EYA3: variants seen among roughly 807,000 people sequenced by gnomAD.
The protein encoded by EYA3 is protein phosphatase EYA3.
In EYA3, 39 loss-of-function variants were observed where a neutral mutation model predicts 80.0. The observed-to-expected ratio is 0.49, with a 90% CI of 0.38 to 0.64. The LOEUF is 0.64. Ranked by LOEUF, EYA3 falls within the 30% of genes least tolerant of loss-of-function variation. EYA3 has a pLI of 0.00. For synonymous variants in EYA3, 206 were observed against 232.8 expected (o/e 0.88, Z 1.05); for missense variants, 523 against 676.1 (o/e 0.77, Z 2.51).
At chr1:28,038,793 T>C in intron 5 of EYA3, 46 bp downstream of exon 5, 1 of 1,129,662 alleles carries the variant, frequency 8.9e-7, no homozygotes, top group Non-Finnish European at 1.3e-6. Flanking sequence ...TTGCAATGAA[T>C]CTACAGAAAA....
chr1:28,004,918 C>T (rs1641159960), intron 10 of EYA3, among the ~76,000 whole-genome samples: 1 of 151,834 alleles, frequency 6.6e-6, no homozygotes, highest in South Asian at 2.1e-4. Context: ...TTGAAAATAT[C>T]TATAAAATTC....
At chr1:28,038,681 AGACT>A (rs1217352645) in intron 5 of EYA3, among the ~76,000 whole-genome samples, 154 bp downstream of exon 5, 1 of 152,142 alleles carries the variant, frequency 6.6e-6, no homozygotes, top group African/African-American at 2.4e-5. Flanking sequence ...GATACTACAT[AGACT>A]ATATTTAGAG....
intron 17 of EYA3, chr1:27,977,427 T>G: frequency 6.5e-7 from 1 of 1,535,874 alleles, no homozygotes; most frequent in South Asian, 1.2e-5. Flanking sequence ...GGGAAAGAAC[T>G]TCTACAGATC....
intron 1 of EYA3, among the ~76,000 whole-genome samples, chr1:28,077,354 C>T (rs1645259281): frequency 6.6e-6 from 1 of 152,114 alleles, no homozygotes; most frequent in South Asian, 2.1e-4. Flanking sequence ...GATCCGCCTG[C>T]CTCAGCTTCC....
At chr1:28,070,653 A>C (rs1019523122) in intron 1 of EYA3, among the ~76,000 whole-genome samples, 1 of 152,212 alleles carries the variant, frequency 6.6e-6, no homozygotes, top group Non-Finnish European at 1.5e-5. Context: ...AAAATAATAA[A>C]CATAAAACAC....
chr1:27,989,859 G>A, intron 14 of EYA3, 48 bp from the exon 15 acceptor site: 1 of 1,269,102 alleles, frequency 7.9e-7, no homozygotes, highest in Non-Finnish European at 1.1e-6. Context: ...ACATATATTT[G>A]CTGACAGTGA....
intron 3 of EYA3, 34 bp downstream of exon 3, chr1:28,048,349 G>T: frequency 1.3e-6 from 2 of 1,523,068 alleles, no homozygotes; most frequent in Non-Finnish European, 1.8e-6. Flanking sequence ...AAACTTATGA[G>T]TAGTTCATTA....
rs770088555 is a variant in EYA3, at chr1:28,035,539, C to T, written c.361+5G>A. 3 of 1,611,486 alleles carry T rather than the reference C, an allele frequency of 1.9e-6. No homozygotes were observed. The Admixed American group carries it at 5.1e-5, about 27-fold the overall frequency. On this transcript the variant is annotated splice_donor_5th_base_variant and intron_variant, in intron 6 of 17. Coordinates refer to ENST00000373871, the MANE Select transcript of EYA3 (RefSeq NM_001990.4). ...TTAGAAATTGTTTACAATACAGTGC[C>T]TTACCAAAAGGAGGTAGTCCATACG...
intron 8 of EYA3, among the ~76,000 whole-genome samples, chr1:28,014,960 C>CATTATTTCTAATTATTTCTA (rs1157108580): frequency 1.3e-5 from 2 of 152,128 alleles, no homozygotes; most frequent in African/African-American, 4.8e-5. Context: ...TGATCAGATA[C>CATTATTTCTAATTATTTCTA]ATTATTTCTA....
intron 13 of EYA3, among the ~76,000 whole-genome samples, chr1:27,996,265 TAAGTA>T (rs932223323): frequency 2.6e-5 from 4 of 152,174 alleles, no homozygotes; most frequent in African/African-American, 9.7e-5. Context: ...TAATATTTCA[TAAGTA>T]AAGATCTAAA....
Position 28,017,173 on chromosome 1 carries a change from A to G in EYA3, c.566T>C (p.Val189Ala). ...STIANIPAAA[V>A]ASISNQDYPT... is the part of the protein sequence containing the mutation. ...TCATACCTGGTTTGAGATGCTGGCT[A>G]CTGCTGCTGCTGGAATATTGGCAAT... is the stretch of plus-strand genomic sequence containing the variant. Residue 189 changes from valine (V) to alanine (A), a missense_variant, in exon 8 of 18, where the codon GTA becomes GCA. By Grantham distance (64) the Val-to-Ala change is moderately conservative. Coordinates refer to ENST00000373871, the MANE Select transcript of EYA3 (RefSeq NM_001990.4). The G allele has an allele frequency of 6.2e-7, 1 of 1,613,826 alleles. No individual in the cohort carries two copies. The highest frequency in any genetic ancestry group is 8.5e-7 in the Non-Finnish European group (1 of 1,179,732).
At chr1:28,042,445 C>T in intron 4 of EYA3, 126 bp downstream of exon 4, 1 of 737,860 alleles carries the variant, frequency 1.4e-6, no homozygotes, top group Admixed American at 2.4e-5. Context: ...CACACAAAAA[C>T]AAGGATGGGA....
intron 10 of EYA3, 25 bp downstream of exon 10, chr1:28,010,922 T>C (rs1319535935): frequency 6.2e-7 from 1 of 1,603,294 alleles, no homozygotes; most frequent in South Asian, 1.1e-5. Flanking sequence ...ACAAAGTAGG[T>C]AACTAAATCA....
intron 3 of EYA3, among the ~76,000 whole-genome samples, chr1:28,046,843 T>TC (rs1159917794): frequency 2.5e-5 from 1 of 40,088 alleles, no homozygotes; most frequent in Non-Finnish European, 4.0e-5. Flanking sequence ...TATTTTTCTT[T>TC]CTTTTTTTTT....
chr1:28,039,961 T>C (rs1317362043), intron 4 of EYA3, among the ~76,000 whole-genome samples: 1 of 152,176 alleles, frequency 6.6e-6, no homozygotes, highest in Non-Finnish European at 1.5e-5. Context: ...TTGACACATA[T>C]ATTAAAAAAC....
At chr1:27,988,380 T>G (rs1639806537) in intron 16 of EYA3, 155 bp downstream of exon 16, 1 of 773,146 alleles carries the variant, frequency 1.3e-6, no homozygotes, top group Admixed American at 3.2e-5. Context: ...CTACTAAGCC[T>G]CAATTGCATT....
chr1:28,077,104 C>CTTTT (rs377204823), intron 1 of EYA3, among the ~76,000 whole-genome samples: 2 of 114,080 alleles, frequency 1.8e-5, no homozygotes, highest in East Asian at 2.5e-4. Flanking sequence ...ACAAAACAAT[C>CTTTT]TTTTTTTTTT....
At chr1:28,068,334 CAA>C (rs34643708) in intron 1 of EYA3, among the ~76,000 whole-genome samples, 13 of 130,672 alleles carry the variant, frequency 9.9e-5, no homozygotes, top group African/African-American at 1.1e-4. Context: ...ACTCCCATCT[CAA>C]AAAAAAAAAA....
intron 3 of EYA3, among the ~76,000 whole-genome samples, chr1:28,046,507 G>C (rs1277648261): frequency 6.6e-6 from 1 of 152,058 alleles, no homozygotes; most frequent in African/African-American, 2.4e-5. Flanking sequence ...GAAATAGCAG[G>C]AAAGGGAGGG....
Sources: gnomAD v4.1 joint callset for allele counts (sites outside exome capture counted in the v4.1 genomes callset) on GRCh38, gnomAD v4.1.1 for gene constraint, MANE v1.5 for transcripts, NCBI Gene and HGNC (gene_info 2026-07-23, HGNC 2026-07-21) for gene names.